BAZ1B: variants seen among roughly 807,000 people sequenced by gnomAD.
The protein encoded by BAZ1B is bromodomain adjacent to zinc finger domain 1B.
BAZ1B carries 22 observed loss-of-function variants against 153.8 expected under a neutral mutation model. The observed-to-expected ratio is 0.14, with a 90% CI of 0.10 to 0.20. The LOEUF is 0.20. BAZ1B is among the 10% of genes least tolerant of loss of function. The probability of loss-of-function intolerance (pLI) is 1.00; values close to 1 mark genes in which losing one functional copy is unlikely to be tolerated. For synonymous variants in BAZ1B, 676 were observed against 633.4 expected, an observed-to-expected ratio of 1.07 and a Z score of -1.01; for missense variants, 1,325 against 1,799.3, an observed-to-expected ratio of 0.74 and a Z score of 4.77.
At chr7:73,468,633 C>T (rs142677482) in intron 9 of BAZ1B, among the ~76,000 whole-genome samples, 279 of 152,050 alleles carry the variant, frequency 1.8e-3, no homozygotes, top group African/African-American at 6.4e-3. Flanking sequence ...TACCCGGCAC[C>T]CAGATCAAGA....
rs1789065595 is a variant in BAZ1B at position 73,478,195 on chromosome 7, T to C, written c.1266A>G (p.Lys422=). 2 of 1,614,064 alleles carry C rather than the reference T, an allele frequency of 1.2e-6. No individual in the cohort carries two copies. Among genetic ancestry groups the C allele is most frequent in the Non-Finnish European group, 1.7e-6 (2 of 1,179,994 alleles). ...GAGTCTTCAGTCCTTTTTTGGGAGA[T>C]TTGGAATTCCCTGTGGATTTCTGTC... is the stretch of plus-strand genomic sequence containing the variant. ...LNGQKSTGNS[K]SPKKGLKTPK... is the part of the protein sequence containing the mutation. Residue 422 remains lysine (K), a synonymous_variant, in exon 7 of 20, where the codon AAA becomes AAG. Coordinates refer to ENST00000339594, the MANE Select transcript of BAZ1B (RefSeq NM_032408.4).
intron 17 of BAZ1B, 131 bp downstream of exon 17, chr7:73,443,853 A>G (rs781908383): frequency 3.6e-6 from 5 of 1,393,066 alleles, no homozygotes; most frequent in African/African-American, 1.4e-5. Context: ...CTGCCTCCCC[A>G]GCCTCCCAAG....
chr7:73,507,671 A>G (rs1338124906), intron 3 of BAZ1B, among the ~76,000 whole-genome samples: 1 of 152,254 alleles, frequency 6.6e-6, no homozygotes, highest in Non-Finnish European at 1.5e-5. Flanking sequence ...TTATTACAAT[A>G]CTAAAACATT....
chr7:73,514,502 T>C (rs1209519937), intron 1 of BAZ1B, among the ~76,000 whole-genome samples: 2 of 144,086 alleles, frequency 1.4e-5, no homozygotes, highest in East Asian at 4.1e-4. Context: ...CATTGCACTG[T>C]AGCCTGGGCA....
chr7:73,451,609 T>C (rs77861280), intron 13 of BAZ1B, among the ~76,000 whole-genome samples: 162 of 152,346 alleles, frequency 1.1e-3, no homozygotes, highest in African/African-American at 3.8e-3. Flanking sequence ...GAGCCTTGTG[T>C]GTATAAATTT....
chr7:73,478,983 C>T (rs1477288173), intron 6 of BAZ1B, among the ~76,000 whole-genome samples: 1 of 152,200 alleles, frequency 6.6e-6, no homozygotes, highest in East Asian at 1.9e-4. Flanking sequence ...TTAAAAAGCA[C>T]TGTTCTTGAA....
At chr7:73,457,477 C>T (rs1436885004) in intron 13 of BAZ1B, among the ~76,000 whole-genome samples, 3 of 152,124 alleles carry the variant, frequency 2.0e-5, no homozygotes, top group Admixed American at 6.6e-5. Context: ...CACGCCCGGC[C>T]GGGACTCATT....
chr7:73,486,624 C>A (rs956579427), intron 6 of BAZ1B, among the ~76,000 whole-genome samples: 3 of 152,194 alleles, frequency 2.0e-5, no homozygotes, highest in African/African-American at 7.2e-5. Flanking sequence ...CTGCGCCTGG[C>A]CTGCTAAAAC....
At chr7:73,501,188 G>A (rs889362342) in intron 3 of BAZ1B, among the ~76,000 whole-genome samples, 2 of 151,926 alleles carry the variant, frequency 1.3e-5, no homozygotes, top group African/African-American at 4.8e-5. Flanking sequence ...CCTGGGATGC[G>A]GAGGTTGCGG....
chr7:73,447,264 A>T lies in BAZ1B; in HGVS notation c.3844T>A (p.Leu1282Met). 1.2e-6 allele frequency: 2 copies of T among 1,613,678 alleles called. No individual in the cohort carries two copies. Among genetic ancestry groups the T allele is most frequent in the Non-Finnish European group, 1.7e-6 (2 of 1,179,894 alleles). ...EEDYEVAGLR[L>M]RPRKTIRGKH... ...CTACAAAGGCAGACAAAATACTTACATCGCAAACCAGCCACCTCATAATCT... is the reference window on the plus strand; with the variant it reads ...CTACAAAGGCAGACAAAATACTTACTTCGCAAACCAGCCACCTCATAATCT... Residue 1282 changes from leucine to methionine, a missense_variant and splice_region_variant, in exon 16 of 20, where the codon TTG (leucine) becomes ATG (methionine). Leu to Met is a conservative substitution (Grantham distance 15). Coordinates refer to ENST00000339594, the MANE Select transcript of BAZ1B (RefSeq NM_032408.4).
At chr7:73,465,730 A>G (rs1788558318) in intron 10 of BAZ1B, among the ~76,000 whole-genome samples, 193 bp from the exon 11 acceptor site, 1 of 152,332 alleles carries the variant, frequency 6.6e-6, no homozygotes, top group South Asian at 2.1e-4. Flanking sequence ...CTGTACTAGG[A>G]CACCAGAGCC....
chr7:73,484,673 C>T (rs894849341), intron 6 of BAZ1B, among the ~76,000 whole-genome samples: 1 of 152,140 alleles, frequency 6.6e-6, no homozygotes, highest in East Asian at 1.9e-4. Context: ...ATATGTAATA[C>T]TATGAGTAAT....
At chr7:73,460,829 G>A (rs965989209) in intron 12 of BAZ1B, among the ~76,000 whole-genome samples, 4 of 152,210 alleles carry the variant, frequency 2.6e-5, no homozygotes, top group Non-Finnish European at 5.9e-5. Flanking sequence ...GCCAGGTGTG[G>A]TGGCACATGC....
intron 4 of BAZ1B, among the ~76,000 whole-genome samples, chr7:73,493,959 A>C (rs1455023152): frequency 6.6e-6 from 1 of 152,192 alleles, no homozygotes; most frequent in Non-Finnish European, 1.5e-5. Flanking sequence ...AAATTCAAAA[A>C]GGTAAGCCAG....
chr7:73,493,667 C>A (rs995980529), intron 4 of BAZ1B, among the ~76,000 whole-genome samples: 1 of 151,510 alleles, frequency 6.6e-6, no homozygotes, highest in African/African-American at 2.4e-5. Flanking sequence ...ATGGTGAAAC[C>A]CTGTCTCTAT....
intron 13 of BAZ1B, among the ~76,000 whole-genome samples, chr7:73,459,323 A>G (rs1471775689): frequency 2.6e-5 from 4 of 151,866 alleles, no homozygotes; most frequent in African/African-American, 7.2e-5. Context: ...CCATCACCCA[A>G]TGACCAAGAA....
intron 13 of BAZ1B, among the ~76,000 whole-genome samples, chr7:73,451,448 T>C (rs905073154): frequency 2.0e-5 from 3 of 152,228 alleles, no homozygotes; most frequent in Non-Finnish European, 2.9e-5. Context: ...AACAGCCAGT[T>C]ATCCTGGAAG....
chr7:73,515,869 G>A (rs1246826739), intron 1 of BAZ1B, among the ~76,000 whole-genome samples: 2 of 152,166 alleles, frequency 1.3e-5, no homozygotes, highest in African/African-American at 4.8e-5. Context: ...ATGTGGAAGG[G>A]TGTGGTGGCT....
chr7:73,518,111 TAAA>T (rs1790884598), intron 1 of BAZ1B, among the ~76,000 whole-genome samples: 1 of 151,982 alleles, frequency 6.6e-6, no homozygotes, highest in African/African-American at 2.4e-5. Context: ...AAAGAATGTA[TAAA>T]AATCAGGCTG....
Sources: allele counts gnomAD v4.1 joint callset (sites outside exome capture counted in the v4.1 genomes callset), GRCh38; gene constraint gnomAD v4.1.1; transcripts MANE v1.5; gene names NCBI Gene and HGNC (gene_info 2026-07-23, HGNC 2026-07-21).